Variants in RAC1 observed in about 807,000 individuals in gnomAD.
RAC1 encodes the protein ras-related C3 botulinum toxin substrate 1.
A neutral mutation model predicts 25.2 loss-of-function variants in RAC1; 2 were observed. The ratio of observed to expected loss-of-function variants is 0.08; its 90% confidence interval spans 0.03 to 0.25. The LOEUF (loss-of-function observed/expected upper bound fraction) is 0.25. Ranked by LOEUF, RAC1 falls within the 10% of genes least tolerant of loss-of-function variation. RAC1 has a pLI of 1.00. For synonymous variants in RAC1, 88 were observed against 94.0 expected (o/e 0.94, Z 0.37); for missense variants, 50 against 235.7 (o/e 0.21, Z 5.16).
rs979978365 is a variant in RAC1 at position 6,384,928 on chromosome 7, C to A, written c.36-2284C>A. Among the ~76,000 whole-genome samples, 7 of 152,030 alleles carry A rather than the reference C, an allele frequency of 4.6e-5. No homozygotes were observed. In the East Asian group the frequency reaches 1.4e-3, roughly 29 times the overall value. Reference sequence around the variant, plus strand: ...TCAAGTGATCCTCGTGCCTCAGCCCCCCAAGTAGCTGAGACTACTGCTGCA... The same window carrying A: ...TCAAGTGATCCTCGTGCCTCAGCCCACCAAGTAGCTGAGACTACTGCTGCA... On this transcript the variant is annotated intron_variant, in intron 1 of 5. Coordinates refer to ENST00000348035, the MANE Select transcript of RAC1 (RefSeq NM_006908.5).
intron 2 of RAC1, chr7:6,391,376 G>A (rs1213338884): frequency 6.5e-6 from 1 of 153,478 alleles, no homozygotes; most frequent in East Asian, 1.9e-4. Context: ...ACTAATTTGT[G>A]TAGCAACTTC....
chr7:6,399,680 C>T lies in RAC1; in HGVS notation c.226-446C>T, dbSNP rs142731553. On this transcript the variant is annotated intron_variant, in intron 3 of 5. Transcript: ENST00000348035. ...CTCAAGTAGCAAATATTGGAGCCCC[C>T]GCTTGGTGCTGGGAGCTGTGACAGG... 6.2e-4 allele frequency: 97 copies of T among 155,508 alleles called. 1 individual carries two copies. The highest frequency in any genetic ancestry group is 1.6e-3 in the Admixed American group (25 of 15,656). The allele number at this position is 155,508 out of a possible 1,614,324, so 9.6% of individuals were successfully genotyped here.
intron 1 of RAC1, among the ~76,000 whole-genome samples, chr7:6,383,895 C>T (rs967080155): frequency 1.4e-5 from 2 of 146,014 alleles, no homozygotes; most frequent in South Asian, 2.2e-4. Context: ...TTCCGCCTCC[C>T]GGGTTCAAGC....
intron 1 of RAC1, among the ~76,000 whole-genome samples, chr7:6,375,463 T>G (rs1356738366): frequency 1.3e-5 from 2 of 152,078 alleles, no homozygotes; most frequent in Non-Finnish European, 2.9e-5. Context: ...TGCGCTCAAG[T>G]GATTCTCCTG....
intron 3 of RAC1, among the ~76,000 whole-genome samples, chr7:6,395,594 G>T (rs971281195): frequency 6.6e-6 from 1 of 151,986 alleles, no homozygotes; most frequent in African/African-American, 2.4e-5. Context: ...ATTATGAGTT[G>T]TTTTTTTTAA....
intron 2 of RAC1, among the ~76,000 whole-genome samples, chr7:6,387,831 G>A (rs1166644886): frequency 2.6e-5 from 4 of 152,168 alleles, no homozygotes; most frequent in African/African-American, 9.7e-5. Context: ...GTGAGGTACA[G>A]AGACTGGATG....
chr7:6,395,470 C>G lies in RAC1; in HGVS notation c.225+3429C>G, dbSNP rs200469642. ...GTTACTCTTCGCCGCGAGGGAAACACGCACCTGGGGACTGTGGGAATTCGG... is the reference window on the plus strand; with the variant it reads ...GTTACTCTTCGCCGCGAGGGAAACAGGCACCTGGGGACTGTGGGAATTCGG... On this transcript the variant is annotated intron_variant, in intron 3 of 5. Transcript: ENST00000348035. Among the ~76,000 whole-genome samples the G allele has an allele frequency of 1.9e-4, 29 of 152,304 alleles. No individual in the cohort carries two copies. In the East Asian group the frequency reaches 5.0e-3, roughly 26 times the overall value.
chr7:6,387,493 C>T (rs1024814668), intron 2 of RAC1, among the ~76,000 whole-genome samples: 3 of 151,866 alleles, frequency 2.0e-5, no homozygotes, highest in Non-Finnish European at 2.9e-5. Flanking sequence ...GAGACTGAGG[C>T]GGGTGGATCA....
intron 2 of RAC1, among the ~76,000 whole-genome samples, chr7:6,391,238 T>A (rs1783084621): frequency 6.6e-6 from 1 of 152,058 alleles, no homozygotes; most frequent in Non-Finnish European, 1.5e-5. Flanking sequence ...TTTTTTCTTT[T>A]TTGCCTTCCT....
intron 3 of RAC1, among the ~76,000 whole-genome samples, chr7:6,396,059 C>G (rs1395022159): frequency 6.6e-6 from 1 of 152,030 alleles, no homozygotes; most frequent in Non-Finnish European, 1.5e-5. Context: ...GCAGGAGTAA[C>G]AAAGGCGTTG....
intron 5 of RAC1, 33 bp downstream of exon 5, chr7:6,402,060 A>G: frequency 6.2e-7 from 1 of 1,600,216 alleles, no homozygotes. Flanking sequence ...TCCTCCTTGT[A>G]CCTCTTTTAT....
intron 2 of RAC1, among the ~76,000 whole-genome samples, chr7:6,387,649 G>A (rs952458945): frequency 2.1e-4 from 32 of 152,008 alleles, no homozygotes; most frequent in Middle Eastern, 6.8e-3. Context: ...CACTCGAACC[G>A]TGGAGGCGGA....
intron 5 of RAC1, 42 bp from the exon 6 acceptor site, chr7:6,402,274 T>C (rs1783423312): frequency 6.4e-7 from 1 of 1,561,502 alleles, no homozygotes; most frequent in Non-Finnish European, 8.7e-7. Context: ...CAGAAGAGAG[T>C]GGGGTCGAGT....
rs1281217216 is a variant in RAC1 at position 6,402,823 on chromosome 7, A to G, written c.*377A>G. On this transcript the variant is annotated 3_prime_UTR_variant, in exon 6 of 6. Transcript: ENST00000348035. ...ACACCGAGCACTGAACTTTGCAAAG[A>G]CCTTCGTCTTTGAGAAGACGGTAGC... The G allele has an allele frequency of 4.9e-6, 1 of 206,180 alleles. No individual in the cohort carries two copies. Among genetic ancestry groups the G allele is most frequent in the Non-Finnish European group, 9.9e-6 (1 of 100,718 alleles). 12.8% of individuals were successfully genotyped at this position (206,180 alleles called of 1,614,324 possible).
chr7:6,375,570 T>A (rs1159065884), intron 1 of RAC1, among the ~76,000 whole-genome samples: 1 of 152,156 alleles, frequency 6.6e-6, no homozygotes, highest in African/African-American at 2.4e-5. Context: ...ACTGTTAGGA[T>A]TCTTAAAATT....
chr7:6,390,912 C>A (rs955440949), intron 2 of RAC1, among the ~76,000 whole-genome samples: 1 of 151,852 alleles, frequency 6.6e-6, no homozygotes, highest in African/African-American at 2.4e-5. Context: ...CTTCTTTTTT[C>A]TTGAGACCGA....
intron 1 of RAC1, among the ~76,000 whole-genome samples, chr7:6,381,454 A>T (rs1256894195): frequency 6.8e-6 from 1 of 147,960 alleles, no homozygotes; most frequent in African/African-American, 2.5e-5. Context: ...GTGCAGTGGC[A>T]CGAAATCAGC....
At chr7:6,378,793 G>A (rs1464986392) in intron 1 of RAC1, among the ~76,000 whole-genome samples, 1 of 151,300 alleles carries the variant, frequency 6.6e-6, no homozygotes, top group Non-Finnish European at 1.5e-5. Context: ...CTTTTCCTAG[G>A]TAAGACAGCA....
rs561312077 is a variant in RAC1 at position 6,394,298 on chromosome 7, G to C, written c.225+2257G>C. 9.2e-5 allele frequency among the ~76,000 whole-genome samples: 14 copies of C among 152,328 alleles called. No homozygotes were observed. The South Asian group carries it at 2.7e-3, about 29-fold the overall frequency. On this transcript the variant is annotated intron_variant, in intron 3 of 5. Transcript: ENST00000348035. ...GGTGAGCAGGTAGTCGCCATTCTTA[G>C]TTGAAATTGCCCTTCAGGTTTTTAT...
Sources: gnomAD v4.1 joint callset for allele counts (sites outside exome capture counted in the v4.1 genomes callset) on GRCh38, gnomAD v4.1.1 for gene constraint, MANE v1.5 for transcripts, NCBI Gene and HGNC (gene_info 2026-07-23, HGNC 2026-07-21) for gene names.